The following CENPE variants were observed in gnomAD, a reference collection of about 807,000 sequenced individuals.
CENPE encodes centromere protein E.
CENPE carries 145 observed loss-of-function variants against 336.1 expected under a neutral mutation model. That is an observed-to-expected ratio of 0.43 (90% CI 0.38 to 0.50). The LOEUF is 0.50. Ranked by LOEUF, CENPE falls within the 20% of genes least tolerant of loss-of-function variation. The probability of loss-of-function intolerance (pLI) is 0.00; values close to 1 mark genes in which losing one functional copy is unlikely to be tolerated. For synonymous variants in CENPE, 1,013 were observed against 984.8 expected, an observed-to-expected ratio of 1.03 and a Z score of -0.54; for missense variants, 2,719 against 3,023.3, an observed-to-expected ratio of 0.90 and a Z score of 2.36.
chr4:103,180,274 T>C, intron 13 of CENPE, 37 bp downstream of exon 13: 1 of 1,580,092 alleles, frequency 6.3e-7, no homozygotes, highest in Non-Finnish European at 8.7e-7. Flanking sequence ...TTCTATTCTC[T>C]GTACATCAAG....
Position 103,160,679 on chromosome 4 carries a change from A to T in CENPE, c.2232T>A (p.Ile744=). The change falls in exon 21 of 49, where the codon ATT becomes ATA. Residue 744 remains isoleucine (I), a synonymous_variant. Coordinates refer to ENST00000265148, the MANE Select transcript of CENPE (RefSeq NM_001813.3). The part of the protein sequence containing the change: ...EENEALREEV[I]LLSELKSLPS... ...GTAAAGATTTCAATTCTGAAAGCAA[A>T]ATGACTTCTTCCCGCAAAGCTTCAT... 1 of 1,611,372 alleles carries T rather than the reference A, an allele frequency of 6.2e-7. No individual in the cohort carries two copies. The highest frequency in any genetic ancestry group is 8.5e-7 in the Non-Finnish European group (1 of 1,178,610).
At chr4:103,117,403 A>G (rs1050694004) in intron 44 of CENPE, among the ~76,000 whole-genome samples, 8 of 152,148 alleles carry the variant, frequency 5.3e-5, no homozygotes, top group Admixed American at 3.3e-4. Flanking sequence ...CCATCATTAC[A>G]GTATCATACA....
chr4:103,110,560 G>A (rs1447329153), intron 47 of CENPE, among the ~76,000 whole-genome samples: 2 of 152,128 alleles, frequency 1.3e-5, no homozygotes, highest in South Asian at 2.1e-4. Context: ...GACTTGTGGT[G>A]TATTTCAGCT....
At chr4:103,167,713 A>C (rs1755041650) in intron 16 of CENPE, among the ~76,000 whole-genome samples, 1 of 152,202 alleles carries the variant, frequency 6.6e-6, no homozygotes, top group Admixed American at 6.5e-5. Flanking sequence ...TTGAGAGTGC[A>C]TACCAACACC....
chr4:103,188,335 A>T (rs536331190), intron 8 of CENPE, among the ~76,000 whole-genome samples: 212 of 152,352 alleles, frequency 1.4e-3, no homozygotes, highest in African/African-American at 5.0e-3. Context: ...AAATCAACAG[A>T]ATATACATTC....
At chr4:103,136,726 T>C (rs1752099975) in intron 39 of CENPE, among the ~76,000 whole-genome samples, 1 of 152,192 alleles carries the variant, frequency 6.6e-6, no homozygotes, top group South Asian at 2.1e-4. Context: ...AGTTCATGGT[T>C]GAGTGCTGGT....
chr4:103,173,592 AAAATATTTGCAATATTTGCAG>A (rs577327622), intron 16 of CENPE, among the ~76,000 whole-genome samples: 63 of 152,100 alleles, frequency 4.1e-4, no homozygotes, highest in Non-Finnish European at 7.4e-4. Context: ...AAATATTTGC[AAAATATTTGCAATATTTGCAG>A]AAATATTTGC....
rs1020938513 is a variant in CENPE at position 103,140,266 on chromosome 4, A to G, written c.5903T>C (p.Leu1968Ser). ...QKDLDKSKDE[L>S]QKKIQELQKK... is the part of the protein sequence containing the mutation. ...CAAAACAACACATACCTTTTTCTGT[A>G]ATTCATCTTTTGATTTATCTAAATC... is the stretch of plus-strand genomic sequence containing the variant. The change falls in exon 37 of 49, where the codon TTA becomes TCA. Residue 1968 changes from leucine to serine, a missense_variant. By Grantham distance (145) the Leu-to-Ser change is moderately radical. Coordinates refer to ENST00000265148, the MANE Select transcript of CENPE (RefSeq NM_001813.3). The G allele has an allele frequency of 6.3e-7, 1 of 1,590,300 alleles. No homozygotes were observed. Among genetic ancestry groups the G allele is most frequent in the African/African-American group, 1.4e-5 (1 of 73,348 alleles).
At chr4:103,137,766 G>A (rs762419003) in intron 39 of CENPE, among the ~76,000 whole-genome samples, 1 of 152,156 alleles carries the variant, frequency 6.6e-6, no homozygotes, top group Non-Finnish European at 1.5e-5. Context: ...ATCTCTGCCT[G>A]GGTGATTGAA....
chr4:103,181,495 T>TA (rs748583479), intron 11 of CENPE, 39 bp from the exon 12 acceptor site: 3 of 1,513,966 alleles, frequency 2.0e-6, no homozygotes, highest in Admixed American at 2.6e-5. Flanking sequence ...GTTCAACACT[T>TA]AAAAAAATTC....
At chr4:103,168,068 G>A (rs527892324) in intron 16 of CENPE, among the ~76,000 whole-genome samples, 6 of 151,880 alleles carry the variant, frequency 4.0e-5, no homozygotes, top group East Asian at 1.9e-4. Context: ...AGATTCCGAC[G>A]GGGACATGTA....
intron 13 of CENPE, among the ~76,000 whole-genome samples, chr4:103,178,671 C>T (rs1349066090): frequency 6.6e-6 from 1 of 151,970 alleles, no homozygotes; most frequent in Non-Finnish European, 1.5e-5. Context: ...AATTTTTGTC[C>T]ATCTTTATCT....
At position 103,145,070 on chromosome 4, in the gene CENPE, T is replaced by C. The variant is rs766455293; in HGVS notation, c.4837A>G (p.Thr1613Ala). ...CTTACTTTAGCTACAATTTCTTTAG[T>C]GTTTTCTTTCAGTTGGTCTCTCTCT... is the stretch of plus-strand genomic sequence containing the variant. ...QIERDQLKEN[T>A]KEIVAKMKES... Residue 1613 changes from threonine to alanine, a missense_variant, in exon 32 of 49, where the codon ACT (threonine) becomes GCT (alanine). Thr to Ala is a moderately conservative substitution (Grantham distance 58). Coordinates refer to ENST00000265148, the MANE Select transcript of CENPE (RefSeq NM_001813.3). 4.0e-6 allele frequency: 6 copies of C among 1,516,122 alleles called. No homozygotes were observed. The highest frequency in any genetic ancestry group is 3.5e-6 in the Non-Finnish European group (4 of 1,135,796). 93.9% of individuals were successfully genotyped at this position (1,516,122 alleles called of 1,614,324 possible). A position where few individuals can be genotyped will look rare whatever the true frequency, so the allele number is the denominator to read the frequency against.
In CENPE at chr4:103,192,151, T is replaced by C. The variant is rs139269157; in HGVS notation, c.693+2078A>G. ...GAAAGAAAGTCAAAGCTTTACGTTA[T>C]TTCTCTCTGTGGAGATTTTTGAGAC... On this transcript the variant is annotated intron_variant, in intron 8 of 48. Coordinates refer to ENST00000265148, the MANE Select transcript of CENPE (RefSeq NM_001813.3). Among the ~76,000 whole-genome samples, 149 of 152,340 alleles carry C rather than the reference T, an allele frequency of 9.8e-4. 2 individuals are homozygous for C. The highest frequency in any genetic ancestry group is 4.4e-3 in the South Asian group (21 of 4,826).
At chr4:103,128,549 A>G (rs981089854) in intron 42 of CENPE, among the ~76,000 whole-genome samples, 1 of 152,194 alleles carries the variant, frequency 6.6e-6, no homozygotes, top group African/African-American at 2.4e-5. Context: ...TCAGACCACA[A>G]TGGAATTAAA....
chr4:103,146,127 A>G lies in CENPE; in HGVS notation c.4135-20T>C, dbSNP rs767277283. 6.3e-7 allele frequency: 1 copy of G among 1,599,022 alleles called. No homozygotes were observed. On this transcript the variant is annotated intron_variant, in intron 29 of 48. Transcript: ENST00000265148. ...CTGGATCTTAAGAGAATCATAAAAC[A>G]GTACAGTTGATATCCAGAGATATTG...
intron 16 of CENPE, among the ~76,000 whole-genome samples, chr4:103,164,850 C>A (rs1434399325): frequency 6.6e-6 from 1 of 152,092 alleles, no homozygotes; most frequent in East Asian, 1.9e-4. Flanking sequence ...CTTCTTTCAC[C>A]TTTTCTTCCT....
chr4:103,144,129 C>T (rs544201708), intron 33 of CENPE, among the ~76,000 whole-genome samples: 25 of 151,980 alleles, frequency 1.6e-4, no homozygotes, highest in African/African-American at 5.5e-4. Context: ...GTAGAGATGG[C>T]GTTTCACCAT....
At chr4:103,182,671 T>TA (rs1359784995) in intron 11 of CENPE, 91 bp downstream of exon 11, 118 of 1,096,890 alleles carry the variant, frequency 1.1e-4, no homozygotes, top group Middle Eastern at 4.4e-4. Flanking sequence ...GCGAGTTAAT[T>TA]AAAAAAAACT....
Sources: gnomAD v4.1 joint callset for allele counts (sites outside exome capture counted in the v4.1 genomes callset) on GRCh38, gnomAD v4.1.1 for gene constraint, MANE v1.5 for transcripts, NCBI Gene and HGNC (gene_info 2026-07-23, HGNC 2026-07-21) for gene names.